The following CD163L1 variants were observed in gnomAD, a reference collection of about 807,000 sequenced individuals.
The protein encoded by CD163L1 is CD163 molecule like 1.
A neutral mutation model predicts 165.4 loss-of-function variants in CD163L1; 124 were observed. That is an observed-to-expected ratio of 0.75 (90% CI 0.65 to 0.87). CD163L1 has a LOEUF of 0.87. Ranked by LOEUF, CD163L1 falls within the 40% of genes least tolerant of loss-of-function variation. The pLI, the probability that CD163L1 is intolerant of heterozygous loss-of-function variation, is 0.00. For missense variants in CD163L1, 1,525 were observed against 1,799.9 expected, an observed-to-expected ratio of 0.85 and a Z score of 2.76; for synonymous variants, 585 against 662.2, an observed-to-expected ratio of 0.88 and a Z score of 1.79.
At chr12:7,354,580 A>C (rs1331165336), downstream of CD163L1, among the ~76,000 whole-genome samples, 1 of 152,140 alleles carries the variant, frequency 6.6e-6, no homozygotes, top group Non-Finnish European at 1.5e-5. Context: ...TTTTTCAGTT[A>C]GTGATTGTCT....
At chr12:7,337,237 A>G in the CD163L1 span, among the ~76,000 whole-genome samples, 3 of 152,194 alleles carry the variant, frequency 2.0e-5, no homozygotes, top group African/African-American at 7.2e-5. Context: ...CCTAGGCAAT[A>G]CCATTCAGGA....
the CD163L1 span, among the ~76,000 whole-genome samples, chr12:7,321,749 C>T: frequency 6.6e-6 from 1 of 152,202 alleles, no homozygotes; most frequent in Non-Finnish European, 1.5e-5. Flanking sequence ...GCTCCAAAGT[C>T]AAACAGGCAG....
Position 7,357,422 on chromosome 12 carries a change from G to A in CD163L1, c.4344C>T (p.Ala1448=), listed in dbSNP as rs142699023. 10 of 1,612,548 alleles carry A rather than the reference G, an allele frequency of 6.2e-6. No individual in the cohort carries two copies. Among genetic ancestry groups the A allele is most frequent in the Middle Eastern group, 1.6e-4 (1 of 6,072 alleles). The part of the protein sequence containing the change: ...SDTSLLGVLP[A]SEATK Reference sequence around the variant, plus strand: ...TCTAAAGTCATTTTGTGGCTTCAGAGGCAGGAAGAACTCCCAACAGCGATG... The same window carrying A: ...TCTAAAGTCATTTTGTGGCTTCAGAAGCAGGAAGAACTCCCAACAGCGATG... Residue 1448 remains alanine, a synonymous_variant, in exon 19 of 20, where the codon GCC becomes GCT. Transcript: ENST00000313599.
At chr12:7,329,610 G>C in the CD163L1 span, among the ~76,000 whole-genome samples, 11 of 150,496 alleles carry the variant, frequency 7.3e-5, no homozygotes, top group African/African-American at 2.7e-4. Flanking sequence ...TGTTTTTTTT[G>C]TTTGTTTGTG....
At chr12:7,419,857 A>G (rs1005727149) in intron 4 of CD163L1, among the ~76,000 whole-genome samples, 2 of 152,148 alleles carry the variant, frequency 1.3e-5, no homozygotes, top group African/African-American at 4.8e-5. Context: ...ACTAGAAAAA[A>G]CAATCCTAGA....
intron 4 of CD163L1, among the ~76,000 whole-genome samples, chr12:7,418,061 C>T (rs1006984236): frequency 1.3e-5 from 2 of 151,918 alleles, no homozygotes; most frequent in African/African-American, 2.4e-5. Context: ...GAAAATTTTA[C>T]CCAACAACTG....
intron 4 of CD163L1, among the ~76,000 whole-genome samples, chr12:7,414,257 G>A (rs747743753): frequency 3.2e-4 from 48 of 152,176 alleles, no homozygotes; most frequent in Non-Finnish European, 5.9e-4. Flanking sequence ...GAGAAGTTCA[G>A]TAAAGAGATA....
chr12:7,336,023 G>A, the CD163L1 span, among the ~76,000 whole-genome samples: 4 of 145,156 alleles, frequency 2.8e-5, no homozygotes, highest in Non-Finnish European at 6.1e-5. Context: ...TGCTGGAGAG[G>A]ATGTGGAGAA....
the CD163L1 span, among the ~76,000 whole-genome samples, chr12:7,334,399 A>G: frequency 2.0e-5 from 3 of 152,252 alleles, no homozygotes; most frequent in Admixed American, 2.0e-4. Context: ...CCACATGATT[A>G]TCTCAATAGA....
At chr12:7,412,201 T>A (rs569744298) in intron 4 of CD163L1, among the ~76,000 whole-genome samples, 1 of 152,222 alleles carries the variant, frequency 6.6e-6, no homozygotes, top group Non-Finnish European at 1.5e-5. Context: ...CTAGGAACAA[T>A]TGTTCATTTC....
At chr12:7,406,966 T>C in intron 4 of CD163L1, 114 bp from the exon 5 acceptor site, 1 of 944,070 alleles carries the variant, frequency 1.1e-6, no homozygotes, top group Admixed American at 2.7e-5. Flanking sequence ...ATTCAATGAA[T>C]GTCTAACTCT....
chr12:7,333,729 T>G, the CD163L1 span, among the ~76,000 whole-genome samples: 5 of 151,982 alleles, frequency 3.3e-5, no homozygotes, highest in African/African-American at 1.2e-4. Flanking sequence ...TCAACAAAAT[T>G]GATAGACCAC....
At chr12:7,362,060 C>A (rs1461853560) in intron 18 of CD163L1, among the ~76,000 whole-genome samples, 2 of 149,854 alleles carry the variant, frequency 1.3e-5, no homozygotes, top group Non-Finnish European at 3.0e-5. Flanking sequence ...CCCTAAAGTT[C>A]ATCTACATTC....
intron 8 of CD163L1, among the ~76,000 whole-genome samples, chr12:7,380,372 T>A (rs7959098): frequency 6.9e-6 from 1 of 145,240 alleles, no homozygotes; most frequent in African/African-American, 2.7e-5. Flanking sequence ...CGCGTATACA[T>A]ACATGTATGT....
intron 2 of CD163L1, among the ~76,000 whole-genome samples, chr12:7,437,175 TTA>T (rs1565820053): frequency 8.6e-6 from 1 of 115,706 alleles, no homozygotes; most frequent in Non-Finnish European, 1.6e-5. Flanking sequence ...ATTAATAGTA[TTA>T]CTTTTATTTT....
At chr12:7,393,958 A>G (rs375394329) in intron 8 of CD163L1, among the ~76,000 whole-genome samples, 1 of 152,164 alleles carries the variant, frequency 6.6e-6, no homozygotes, top group Non-Finnish European at 1.5e-5. Flanking sequence ...ATGCTCATGG[A>G]TAGGAAGAAT....
At position 7,372,867 on chromosome 12, in the gene CD163L1, C is replaced by T. The variant is rs1377603729; in HGVS notation, c.3730+453G>A. 3.3e-5 allele frequency among the ~76,000 whole-genome samples: 5 copies of T among 151,944 alleles called. No individual in the cohort carries two copies. The highest frequency in any genetic ancestry group is 7.4e-5 in the Non-Finnish European group (5 of 67,942). On this transcript the variant is annotated intron_variant, in intron 14 of 19. Transcript: ENST00000313599. The surrounding 1 kb of genome is among the most constrained non-coding windows in gnomAD (Gnocchi z 4.2). ...CATATTAAATTTTAATCAAATAAGA[C>T]AATTTACAAGTGTCTTATAAATAAT...
chr12:7,332,254 A>T, the CD163L1 span, among the ~76,000 whole-genome samples: 2 of 151,282 alleles, frequency 1.3e-5, no homozygotes, highest in African/African-American at 2.4e-5. Context: ...AAAGAAATGA[A>T]CAAAGCCTCC....
chr12:7,360,418 C>T (rs778275519), intron 18 of CD163L1, among the ~76,000 whole-genome samples: 1 of 152,176 alleles, frequency 6.6e-6, no homozygotes, highest in Admixed American at 6.5e-5. Context: ...GCTGGGATTA[C>T]AGGCATGAGC....
Sources: allele counts gnomAD v4.1 joint callset (sites outside exome capture counted in the v4.1 genomes callset), GRCh38; gene constraint gnomAD v4.1.1; non-coding constraint Gnocchi (gnomAD v3.1); transcripts MANE v1.5; gene names NCBI Gene and HGNC (gene_info 2026-07-23, HGNC 2026-07-21).